Variants in SLC4A9 observed in about 807,000 individuals in gnomAD.
SLC4A9 encodes the protein solute carrier family 4 member 9, also known as anion exchange protein 4.
In SLC4A9, 102 loss-of-function variants were observed where a neutral mutation model predicts 103.2. That is an observed-to-expected ratio of 0.99 (90% CI 0.84 to 1.17). The LOEUF (loss-of-function observed/expected upper bound fraction) is 1.17. Ranked by LOEUF, SLC4A9 falls within the 50% of genes most tolerant of loss-of-function variation. The pLI, the probability that SLC4A9 is intolerant of heterozygous loss-of-function variation, is 0.00. For missense variants in SLC4A9, 1,091 were observed against 1,193.7 expected (o/e 0.91, Z 1.27); for synonymous variants, 453 against 483.6 (o/e 0.94, Z 0.83).
At chr5:140,372,660 C>A in intron 20 of SLC4A9, 85 bp from the exon 21 acceptor site, 1 of 1,453,390 alleles carries the variant, frequency 6.9e-7, no homozygotes, top group South Asian at 1.5e-5. Flanking sequence ...TTTGTTTTGT[C>A]TCACTGTGGG....
chr5:140,366,933 C>T lies in SLC4A9; in HGVS notation c.2014-487C>T, dbSNP rs1246445168. 2.6e-5 allele frequency among the ~76,000 whole-genome samples: 4 copies of T among 152,312 alleles called. No individual in the cohort carries two copies. The East Asian group carries it at 7.7e-4, about 29-fold the overall frequency. Reference sequence around the variant, plus strand: ...CATTTGGAGACCTCCTCTCCAAATTCCCCCAAGACAGGAGAGCAGGGAGGA... The same window carrying T: ...CATTTGGAGACCTCCTCTCCAAATTTCCCCAAGACAGGAGAGCAGGGAGGA... On this transcript the variant is annotated intron_variant, in intron 14 of 21. Coordinates refer to ENST00000506757, the MANE Select transcript of SLC4A9 (RefSeq NM_031467.3).
At position 140,363,757 on chromosome 5, in the gene SLC4A9, G is replaced by T. The variant is rs140990806; in HGVS notation, c.1109G>T (p.Arg370Leu). The T allele has an allele frequency of 3.1e-6, 5 of 1,613,914 alleles. No individual in the cohort carries two copies. Among genetic ancestry groups the T allele is most frequent in the Middle Eastern group, 1.6e-4 (1 of 6,062 alleles). Residue 370 changes from arginine to leucine, a missense_variant, in exon 9 of 22, where the codon CGC becomes CTC. Coordinates refer to ENST00000506757, the MANE Select transcript of SLC4A9 (RefSeq NM_031467.3). This position sits in a 1 kb window ranked among gnomAD's most constrained non-coding sequence, Gnocchi z 4.5. ...TTTGGGGGCCTTATCCAGGACGTGC[G>T]CAGGAAGGTCCCGTGGTACCCCAGC... ...RLFGGLIQDV[R>L]RKVPWYPSDF... is the part of the protein sequence containing the mutation.
rs772978243 is a variant in SLC4A9, at chr5:140,361,261, G to A, written c.399G>A (p.Val133=). ...CCCCAATCCATTCTCCAGAGCAGGT[G>A]ACCAGGGTGGAGTCGCTGAGCCCAG... ...AQSLLELVEQ[V]TRVESLSPEL... The change falls in exon 3 of 22, where the codon GTG becomes GTA. Residue 133 remains valine, a synonymous_variant. Coordinates refer to ENST00000506757, the MANE Select transcript of SLC4A9 (RefSeq NM_031467.3). 1 of 1,563,668 alleles carries A rather than the reference G, an allele frequency of 6.4e-7. No homozygotes were observed. The highest frequency in any genetic ancestry group is 1.2e-5 in the South Asian group (1 of 84,608).
At position 140,365,538 on chromosome 5, in the gene SLC4A9, T is replaced by C. The variant is rs374139445; in HGVS notation, c.1670T>C (p.Ile557Thr). Residue 557 changes from isoleucine to threonine, a missense_variant, in exon 12 of 22, where the codon ATA becomes ACA. Coordinates refer to ENST00000506757, the MANE Select transcript of SLC4A9 (RefSeq NM_031467.3). ...TTCCCAGGAAATGAGTCTCAATGGA[T>C]AAGGACAAGGCCAAAAGACAGAGAC... is the stretch of plus-strand genomic sequence containing the variant. Reference protein sequence around the residue: ...PGPGGNESQWIRTRPKDRDDI... With the variant: ...PGPGGNESQWTRTRPKDRDDI... 4 of 1,611,522 alleles carry C rather than the reference T, an allele frequency of 2.5e-6. No homozygotes were observed. The highest frequency in any genetic ancestry group is 3.4e-6 in the Non-Finnish European group (4 of 1,178,828).
rs1038024429 is a variant in SLC4A9 at position 140,365,548 on chromosome 5, G to A, written c.1680G>A (p.Arg560=). The change falls in exon 12 of 22, where the codon AGG becomes AGA. Residue 560 remains arginine, a synonymous_variant. Transcript: ENST00000506757. ...ATGAGTCTCAATGGATAAGGACAAG[G>A]CCAAAAGACAGAGACGACATTGTAA... ...GGNESQWIRT[R]PKDRDDIVSM... 4 of 1,611,846 alleles carry A rather than the reference G, an allele frequency of 2.5e-6. No individual in the cohort carries two copies. The highest frequency in any genetic ancestry group is 2.7e-5 in the African/African-American group (2 of 74,884).
intron 18 of SLC4A9, 103 bp downstream of exon 18, chr5:140,371,266 C>G: frequency 7.1e-7 from 1 of 1,409,150 alleles, no homozygotes; most frequent in Non-Finnish European, 9.8e-7. Flanking sequence ...TTCTTTTCTG[C>G]TGGCATCTCC....
In SLC4A9 at chr5:140,368,579, C is replaced by A; in HGVS notation, c.2355-8C>A. On this transcript the variant is annotated splice_region_variant and splice_polypyrimidine_tract_variant and intron_variant, in intron 16 of 21. Coordinates refer to ENST00000506757, the MANE Select transcript of SLC4A9 (RefSeq NM_031467.3). The stretch of plus-strand genomic sequence containing the variant: ...CAGACCTCAGCTAACTCCTCCCTCT[C>A]CCCACAGGGAACAGAGGCTGACAGG... 1 of 1,611,776 alleles carries A rather than the reference C, an allele frequency of 6.2e-7. No individual in the cohort carries two copies. The highest frequency in any genetic ancestry group is 8.5e-7 in the Non-Finnish European group (1 of 1,179,078).
Position 140,367,751 on chromosome 5 carries a change from G to A in SLC4A9, c.2207G>A (p.Cys736Tyr). 6.2e-7 allele frequency: 1 copy of A among 1,613,966 alleles called. No individual in the cohort carries two copies. ...GCTGGCTTCCACCTGGACCTCTTCTGTGTGGCTGTGCTGATGCTACTCACA... is the reference window on the plus strand; with the variant it reads ...GCTGGCTTCCACCTGGACCTCTTCTATGTGGCTGTGCTGATGCTACTCACA... ...KGAGFHLDLF[C>Y]VAVLMLLTSA... Residue 736 changes from cysteine to tyrosine, a missense_variant, in exon 16 of 22, where the codon TGT (cysteine) becomes TAT (tyrosine). By Grantham distance (194) the Cys-to-Tyr change is radical. Coordinates refer to ENST00000506757, the MANE Select transcript of SLC4A9 (RefSeq NM_031467.3).
At position 140,361,176 on chromosome 5, in the gene SLC4A9, G is replaced by A; in HGVS notation, c.392-78G>A. ...TCTGAGACTCCCAGAAGGGAAAGGT[G>A]TCTGGGCAGAGGGAGAAGGGGAAGA... On this transcript the variant is annotated intron_variant, in intron 2 of 21. Coordinates refer to ENST00000506757, the MANE Select transcript of SLC4A9 (RefSeq NM_031467.3). 8 of 1,363,558 alleles carry A rather than the reference G, an allele frequency of 5.9e-6. 1 individual carries two copies. In the South Asian group the frequency reaches 1.0e-4, roughly 18 times the overall value. 84.5% of individuals were successfully genotyped at this position (1,363,558 alleles called of 1,614,324 possible). A position where few individuals can be genotyped will look rare whatever the true frequency, so the allele number is the denominator to read the frequency against.
chr5:140,363,415 A>T lies in SLC4A9; in HGVS notation c.963-24A>T, dbSNP rs1174881410. On this transcript the variant is annotated intron_variant, in intron 7 of 21. Transcript: ENST00000506757. The surrounding 1 kb of genome is among the most constrained non-coding windows in gnomAD (Gnocchi z 4.5). ...CAGACTGGTTGGAGATCCTCAGCCA[A>T]CCTGGGGTTCCCCTCCTCCTCAGGC... The T allele has an allele frequency of 6.5e-7, 1 of 1,547,588 alleles. No homozygotes were observed. Among genetic ancestry groups the T allele is most frequent in the African/African-American group, 1.4e-5 (1 of 72,958 alleles).
chr5:140,373,210 C>CAGAG lies in SLC4A9; in HGVS notation c.*45+367_*45+368insAGAG, dbSNP rs1561633431. On this transcript the variant is annotated intron_variant, in intron 21 of 21. Transcript: ENST00000506757. The stretch of plus-strand genomic sequence containing the variant: ...CTTTCCCTTGCTTGGAAGGCTCCCC[C>CAGAG]CTTAGGCTGCTGAGAACCACACTCC... 3.5e-4 allele frequency among the ~76,000 whole-genome samples: 54 copies of CAGAG among 152,280 alleles called. No individual in the cohort carries two copies. In the South Asian group the frequency reaches 0.01, roughly 29 times the overall value.
rs936768423 is a variant in SLC4A9, at chr5:140,360,620, G to A, written c.230+154G>A. The A allele has an allele frequency of 6.2e-6, 7 of 1,121,336 alleles. No homozygotes were observed. The Admixed American group carries it at 1.2e-4, about 19-fold the overall frequency. 69.5% of individuals were successfully genotyped at this position (1,121,336 alleles called of 1,614,324 possible). ...AGGGTCTTACCTTCCATGATGCCCA[G>A]CCTCCTCTGCAGTCTAGTTTTGAGA... On this transcript the variant is annotated intron_variant, in intron 1 of 21. Coordinates refer to ENST00000506757, the MANE Select transcript of SLC4A9 (RefSeq NM_031467.3).
rs1485010849 is a variant in SLC4A9 at position 140,372,756 on chromosome 5, G to A, written c.2838G>A (p.Met946Ile). The change falls in exon 21 of 22, where the codon ATG (methionine) becomes ATA (isoleucine). Residue 946 changes from methionine (M) to isoleucine (I), a missense_variant. Coordinates refer to ENST00000506757, the MANE Select transcript of SLC4A9 (RefSeq NM_031467.3). Reference sequence around the variant, plus strand: ...TCTGTCTTCCACAGTCAGAGCTGATGTATCAGCCAAAGGCTCCAGAAATCA... The same window carrying A: ...TCTGTCTTCCACAGTCAGAGCTGATATATCAGCCAAAGGCTCCAGAAATCA... ...SGSDSEDSEL[M>I]YQPKAPEINI... 1.3e-6 allele frequency: 2 copies of A among 1,580,982 alleles called. No individual in the cohort carries two copies. Among genetic ancestry groups the A allele is most frequent in the Non-Finnish European group, 1.7e-6 (2 of 1,162,642 alleles).
At chr5:140,365,458 ATGGGGC>A in intron 11 of SLC4A9, 56 bp from the exon 12 acceptor site, 1 of 1,474,648 alleles carries the variant, frequency 6.8e-7, no homozygotes, top group Non-Finnish European at 9.3e-7. Flanking sequence ...TAAGAATTTT[ATGGGGC>A]TGGAGGAGGT....
chr5:140,364,729 C>A (rs1470831336), intron 11 of SLC4A9, 104 bp downstream of exon 11: 2 of 1,349,056 alleles, frequency 1.5e-6, no homozygotes, highest in Non-Finnish European at 2.0e-6. Context: ...CAAAATGCTG[C>A]ATACTTACCC....
chr5:140,365,063 A>G (rs1044793165), intron 11 of SLC4A9, among the ~76,000 whole-genome samples: 5 of 152,202 alleles, frequency 3.3e-5, no homozygotes, highest in Non-Finnish European at 5.9e-5. Flanking sequence ...AATCAAATAT[A>G]TCACTGCTCT....
At chr5:140,367,653 A>G in intron 15 of SLC4A9, 67 bp from the exon 16 acceptor site, 10 of 1,602,360 alleles carry the variant, frequency 6.2e-6, no homozygotes, top group East Asian at 2.2e-5. Context: ...CTCCTCTCCT[A>G]CCTCAGAGGA....
intron 19 of SLC4A9, 97 bp downstream of exon 19, chr5:140,371,721 C>T: frequency 7.4e-7 from 1 of 1,357,096 alleles, no homozygotes. Flanking sequence ...AGAATCTCCC[C>T]TCTCACTCGC....
rs757918000 is a variant in SLC4A9 at position 140,365,841 on chromosome 5, GC to G, written c.1720del (p.Leu574Ter). The G allele has an allele frequency of 2.0e-5, 32 of 1,613,498 alleles. No homozygotes were observed. The highest frequency in any genetic ancestry group is 2.7e-5 in the Non-Finnish European group (32 of 1,179,728). On this transcript the variant is annotated frameshift_variant, in exon 13 of 22. Coordinates refer to ENST00000506757, the MANE Select transcript of SLC4A9 (RefSeq NM_031467.3). LOFTEE classifies it high-confidence loss of function. Reference sequence around the variant, plus strand: ...TGACCCTCCTGTGTACAGGACTTAGGCCTGATCAATGCATCCTTGCTGCCGC... The same window carrying G: ...TGACCCTCCTGTGTACAGGACTTAGGCTGATCAATGCATCCTTGCTGCCGC... ...DRDDIVSMDL[G>X]LINASLLPPP...
Sources: gnomAD v4.1 joint callset for allele counts (sites outside exome capture counted in the v4.1 genomes callset) on GRCh38, gnomAD v4.1.1 for gene constraint, Gnocchi (gnomAD v3.1) non-coding constraint, MANE v1.5 for transcripts, NCBI Gene and HGNC (gene_info 2026-07-23, HGNC 2026-07-21) for gene names.